Variants in CSMD1 observed in about 807,000 individuals in gnomAD.
CSMD1 encodes CUB and sushi domain-containing protein 1.
Under a neutral mutation model 417.5 loss-of-function variants are expected in CSMD1, and 213 were observed. That is an observed-to-expected ratio of 0.51 (90% CI 0.46 to 0.57). The LOEUF (loss-of-function observed/expected upper bound fraction) is 0.57. Ranked by LOEUF, CSMD1 falls within the 20% of genes least tolerant of loss-of-function variation. CSMD1 has a pLI of 0.00. For missense variants in CSMD1, 6,923 were observed against 4,529.7 expected, an observed-to-expected ratio of 1.53 and a Z score of -15.17; for synonymous variants, 2,862 against 1,736.8, an observed-to-expected ratio of 1.65 and a Z score of -16.11.
chr8:4,924,489 G>A (rs1403248375), intron 1 of CSMD1, among the ~76,000 whole-genome samples: 1 of 152,070 alleles, frequency 6.6e-6, no homozygotes, highest in African/African-American at 2.4e-5. Flanking sequence ...TTGAGAGGCT[G>A]GGGCGGGTAG....
At chr8:4,148,332 C>A (rs1796387210) in intron 3 of CSMD1, among the ~76,000 whole-genome samples, 1 of 130,290 alleles carries the variant, frequency 7.7e-6, no homozygotes, top group Non-Finnish European at 1.5e-5. Context: ...AACACATAGA[C>A]AGAGGAAGGG....
chr8:4,254,769 C>T (rs1393734664), intron 3 of CSMD1, among the ~76,000 whole-genome samples: 1 of 152,120 alleles, frequency 6.6e-6, no homozygotes, highest in Admixed American at 6.5e-5. Flanking sequence ...GTTACAGTTG[C>T]CTACAGTCTG....
At chr8:4,196,743 C>G (rs988612171) in intron 3 of CSMD1, among the ~76,000 whole-genome samples, 3 of 152,146 alleles carry the variant, frequency 2.0e-5, no homozygotes, top group African/African-American at 7.2e-5. Flanking sequence ...GTCTCTATCT[C>G]AAGACCCTTT....
intron 5 of CSMD1, among the ~76,000 whole-genome samples, chr8:3,819,846 G>C (rs886970905): frequency 3.1e-4 from 47 of 152,236 alleles, no homozygotes; most frequent in African/African-American, 8.9e-4. Flanking sequence ...CACCTGGCCT[G>C]AAAGTGATTT....
chr8:3,026,209 G>C (rs79536084), intron 51 of CSMD1, among the ~76,000 whole-genome samples: 2,338 of 152,278 alleles, frequency 0.015, 19 homozygotes, highest in East Asian at 0.037. Context: ...GTGGGGGACA[G>C]AGGGCCAGGA....
intron 23 of CSMD1, among the ~76,000 whole-genome samples, chr8:3,328,431 T>G (rs1303485436): frequency 1.3e-5 from 2 of 152,228 alleles, no homozygotes; most frequent in African/African-American, 4.8e-5. Context: ...GGGCACCCAA[T>G]GCTAAATATC....
chr8:3,764,944 C>T (rs990830773), intron 5 of CSMD1, among the ~76,000 whole-genome samples: 12 of 151,802 alleles, frequency 7.9e-5, no homozygotes, highest in African/African-American at 2.9e-4. Context: ...CAGGGTTTCA[C>T]ATGTTGACCA....
At chr8:4,326,112 G>C (rs1342944881) in intron 3 of CSMD1, among the ~76,000 whole-genome samples, 1 of 152,088 alleles carries the variant, frequency 6.6e-6, no homozygotes, top group Non-Finnish European at 1.5e-5. Flanking sequence ...CAGAGCTCAG[G>C]GCCCTACCGT....
chr8:4,124,455 G>C (rs143486644), intron 3 of CSMD1, among the ~76,000 whole-genome samples: 1 of 152,142 alleles, frequency 6.6e-6, no homozygotes, highest in African/African-American at 2.4e-5. Context: ...CGAAGCTGCA[G>C]ATGGCCACTG....
At chr8:4,153,583 G>A (rs146783042) in intron 3 of CSMD1, among the ~76,000 whole-genome samples, 18 of 152,296 alleles carry the variant, frequency 1.2e-4, no homozygotes, top group East Asian at 7.7e-4. Flanking sequence ...GCTGCATTCC[G>A]TCACAGGGTG....
chr8:4,578,664 A>C (rs1385041221), intron 2 of CSMD1, among the ~76,000 whole-genome samples: 3 of 151,018 alleles, frequency 2.0e-5, no homozygotes, highest in African/African-American at 7.3e-5. Context: ...AAAATACAAA[A>C]ATTAGCTGGA....
At chr8:4,401,176 C>T (rs935253095) in intron 3 of CSMD1, among the ~76,000 whole-genome samples, 1 of 152,030 alleles carries the variant, frequency 6.6e-6, no homozygotes. Flanking sequence ...GGGGTTCCAT[C>T]CAAATTAAGA....
chr8:4,669,862 C>T (rs1165973858), intron 1 of CSMD1, among the ~76,000 whole-genome samples: 1 of 152,170 alleles, frequency 6.6e-6, no homozygotes, highest in Non-Finnish European at 1.5e-5. Flanking sequence ...TCACAGAACT[C>T]CTCAGGTTTC....
chr8:3,733,409 C>A lies in CSMD1; in HGVS notation c.931+20521G>T, dbSNP rs2623696. 4.1e-3 allele frequency among the ~76,000 whole-genome samples: 605 copies of A among 148,578 alleles called. 20 individuals are homozygous for A. The East Asian group carries it at 0.075, about 19-fold the overall frequency. On this transcript the variant is annotated intron_variant, in intron 6 of 69. Coordinates refer to ENST00000635120, the MANE Select transcript of CSMD1 (RefSeq NM_033225.6). ...ATTATCTGGATTAGATGATAGAAACCTGTAAGAATGTACTTTTGATTTGGT... is the reference window on the plus strand; with the variant it reads ...ATTATCTGGATTAGATGATAGAAACATGTAAGAATGTACTTTTGATTTGGT...
At chr8:4,604,665 T>C (rs1331398721) in intron 2 of CSMD1, among the ~76,000 whole-genome samples, 1 of 152,164 alleles carries the variant, frequency 6.6e-6, no homozygotes, top group Non-Finnish European at 1.5e-5. Context: ...ACCAATCTGT[T>C]TATCCTCTTT....
At chr8:3,289,895 C>A (rs573717893) in intron 25 of CSMD1, among the ~76,000 whole-genome samples, 1 of 147,650 alleles carries the variant, frequency 6.8e-6, no homozygotes, top group South Asian at 2.1e-4. Context: ...ACATGAAGTC[C>A]TTACCCATGC....
At chr8:3,362,361 C>T (rs1411444764) in intron 20 of CSMD1, among the ~76,000 whole-genome samples, 1 of 152,146 alleles carries the variant, frequency 6.6e-6, no homozygotes, top group Non-Finnish European at 1.5e-5. Context: ...TTACCAAAGC[C>T]ACTGTGACCT....
intron 11 of CSMD1, among the ~76,000 whole-genome samples, chr8:3,483,724 G>C (rs891672988): frequency 5.9e-5 from 9 of 152,144 alleles, no homozygotes; most frequent in Admixed American, 6.5e-5. Context: ...TATGAATGTA[G>C]TTGCAAATAT....
intron 1 of CSMD1, among the ~76,000 whole-genome samples, chr8:4,854,892 C>CCT (rs1486588941): frequency 6.6e-6 from 1 of 152,186 alleles, no homozygotes; most frequent in African/African-American, 2.4e-5. Flanking sequence ...CCAGGAAGCT[C>CCT]GAACTGGGTG....
Sources: gnomAD v4.1 joint callset for allele counts (sites outside exome capture counted in the v4.1 genomes callset) on GRCh38, gnomAD v4.1.1 for gene constraint, MANE v1.5 for transcripts, NCBI Gene and HGNC (gene_info 2026-07-23, HGNC 2026-07-21) for gene names.